SLC4A4: variants seen among roughly 807,000 people sequenced by gnomAD.
SLC4A4 encodes solute carrier family 4 member 4.
In SLC4A4, 27 loss-of-function variants were observed where a neutral mutation model predicts 111.5. That is an observed-to-expected ratio of 0.24 (90% confidence interval 0.18 to 0.33). The LOEUF is 0.33. SLC4A4 is among the 10% of genes least tolerant of loss of function. The pLI, the probability that SLC4A4 is intolerant of heterozygous loss-of-function variation, is 1.00. For missense variants in SLC4A4, 909 were observed against 1,315.5 expected, an observed-to-expected ratio of 0.69 and a Z score of 4.78; for synonymous variants, 443 against 463.4, an observed-to-expected ratio of 0.96 and a Z score of 0.57.
intron 5 of SLC4A4, among the ~76,000 whole-genome samples, chr4:71,353,194 CT>C (rs1729996800): frequency 6.6e-6 from 1 of 152,188 alleles, no homozygotes; most frequent in African/African-American, 2.4e-5. Flanking sequence ...CAGCTGTGAA[CT>C]TTTTCTCTAA....
At chr4:71,428,250 A>G (rs1427374238) in intron 7 of SLC4A4, among the ~76,000 whole-genome samples, 2 of 152,142 alleles carry the variant, frequency 1.3e-5, no homozygotes, top group Non-Finnish European at 2.9e-5. Flanking sequence ...GCTCTCCCTT[A>G]CACTTTTGAG....
At chr4:71,494,337 A>G (rs1730205278) in intron 15 of SLC4A4, among the ~76,000 whole-genome samples, 1 of 152,042 alleles carries the variant, frequency 6.6e-6, no homozygotes, top group Non-Finnish European at 1.5e-5. Context: ...CTTCAGAGAC[A>G]GGATTTTGCT....
chr4:71,392,478 A>C (rs751580828), intron 6 of SLC4A4, among the ~76,000 whole-genome samples: 2 of 152,108 alleles, frequency 1.3e-5, no homozygotes, highest in Non-Finnish European at 2.9e-5. Context: ...TATTTAGAGT[A>C]GTGGTTCTCA....
chr4:71,377,925 G>A (rs769847964), intron 6 of SLC4A4, among the ~76,000 whole-genome samples: 3 of 152,178 alleles, frequency 2.0e-5, no homozygotes, highest in African/African-American at 7.2e-5. Flanking sequence ...GGCTGGGAAC[G>A]CCTCAGAATC....
intron 7 of SLC4A4, among the ~76,000 whole-genome samples, chr4:71,423,136 A>G (rs1283524388): frequency 6.6e-6 from 1 of 152,244 alleles, no homozygotes; most frequent in Non-Finnish European, 1.5e-5. Context: ...CAACTTCAGC[A>G]AAGTCTCAGG....
intron 2 of SLC4A4, among the ~76,000 whole-genome samples, chr4:71,153,351 G>A (rs374919174): frequency 1.3e-5 from 2 of 151,974 alleles, no homozygotes; most frequent in South Asian, 2.1e-4. Flanking sequence ...CACCCTTACC[G>A]ACACACCCAG....
At chr4:71,071,677 G>C (rs897792229) in intron 1 of SLC4A4, among the ~76,000 whole-genome samples, 1 of 152,044 alleles carries the variant, frequency 6.6e-6, no homozygotes, top group Non-Finnish European at 1.5e-5. Context: ...TCTCACAAAT[G>C]GTAGCATACT....
intron 2 of SLC4A4, among the ~76,000 whole-genome samples, chr4:71,175,404 T>C (rs1008998989): frequency 3.3e-5 from 5 of 152,184 alleles, no homozygotes; most frequent in African/African-American, 9.7e-5. Context: ...GGAAGCGCAA[T>C]GGGTCAGGGA....
intron 1 of SLC4A4, among the ~76,000 whole-genome samples, chr4:71,193,316 C>G (rs1412063191): frequency 6.6e-6 from 1 of 152,102 alleles, no homozygotes; most frequent in East Asian, 1.9e-4. Context: ...CCCGCCACCA[C>G]GTCCGGCTAA....
intron 1 of SLC4A4, among the ~76,000 whole-genome samples, chr4:71,216,962 T>G (rs1192139387): frequency 2.0e-5 from 3 of 152,330 alleles, no homozygotes; most frequent in Admixed American, 6.5e-5. Context: ...TGGGTATTAC[T>G]AAGTCCATTT....
rs560543076 is a variant in SLC4A4, at chr4:71,420,235, A to G, written c.808-20381A>G. ...GCAATCAACTGGAAGAAAGGGTATC[A>G]GTGATGGAAGATGAAATGAATGAAA... On this transcript the variant is annotated intron_variant, in intron 7 of 25. Coordinates refer to ENST00000264485, the MANE Select transcript of SLC4A4 (RefSeq NM_001098484.3). 4.6e-5 allele frequency among the ~76,000 whole-genome samples: 7 copies of G among 152,378 alleles called. No homozygotes were observed. In the South Asian group the frequency reaches 1.4e-3, roughly 32 times the overall value.
At position 71,252,127 on chromosome 4, in the gene SLC4A4, G is replaced by A. The variant is rs1721107379; in HGVS notation, c.74-3093G>A. On this transcript the variant is annotated intron_variant, in intron 2 of 25. Coordinates refer to ENST00000264485, the MANE Select transcript of SLC4A4 (RefSeq NM_001098484.3). ...TGAAAATAAATATTGAGATCCACAT[G>A]TGATGTTCTCATCAATCATAGCATA... Among the ~76,000 whole-genome samples the A allele has an allele frequency of 2.6e-5, 4 of 152,292 alleles. No individual in the cohort carries two copies. In the South Asian group the frequency reaches 8.3e-4, roughly 32 times the overall value.
chr4:71,285,571 C>T (rs1439633955), intron 3 of SLC4A4, among the ~76,000 whole-genome samples: 1 of 152,170 alleles, frequency 6.6e-6, no homozygotes, highest in East Asian at 1.9e-4. Flanking sequence ...CTTGCAGGCA[C>T]AGGCAAGTGG....
At chr4:71,187,892 A>G (rs1745556295) in intron 1 of SLC4A4, among the ~76,000 whole-genome samples, 1 of 152,222 alleles carries the variant, frequency 6.6e-6, no homozygotes, top group Non-Finnish European at 1.5e-5. Flanking sequence ...TGCCAGCTCC[A>G]GGACGGAGCA....
intron 2 of SLC4A4, among the ~76,000 whole-genome samples, chr4:71,121,805 T>C (rs1323679340): frequency 6.6e-6 from 1 of 152,144 alleles, no homozygotes; most frequent in Non-Finnish European, 1.5e-5. Flanking sequence ...GTTTTTTCGC[T>C]CTTTGCAATA....
At chr4:71,329,725 A>C (rs1409548691) in intron 3 of SLC4A4, among the ~76,000 whole-genome samples, 1 of 152,112 alleles carries the variant, frequency 6.6e-6, no homozygotes, top group Non-Finnish European at 1.5e-5. Flanking sequence ...TGGAATCTTT[A>C]GGTTTTTCCA....
chr4:71,433,725 TTC>T, intron 7 of SLC4A4, among the ~76,000 whole-genome samples: 1 of 152,218 alleles, frequency 6.6e-6, no homozygotes, highest in Non-Finnish European at 1.5e-5. Flanking sequence ...CAGGAGGAAC[TTC>T]TCTAAGACTC....
At chr4:71,557,093 A>AAT (rs371028622) in intron 21 of SLC4A4, among the ~76,000 whole-genome samples, 64 of 152,044 alleles carry the variant, frequency 4.2e-4, no homozygotes, top group Middle Eastern at 3.4e-3. Flanking sequence ...TCAGATGTTG[A>AAT]CCCTGAAACT....
chr4:71,180,783 A>T (rs1745262828), intron 2 of SLC4A4, among the ~76,000 whole-genome samples: 2 of 152,204 alleles, frequency 1.3e-5, no homozygotes, highest in African/African-American at 4.8e-5. Context: ...TGTGGAAGTC[A>T]GTGTGGCGAT....
Sources: gnomAD v4.1 joint callset for allele counts (sites outside exome capture counted in the v4.1 genomes callset) on GRCh38, gnomAD v4.1.1 for gene constraint, MANE v1.5 for transcripts, NCBI Gene and HGNC (gene_info 2026-07-23, HGNC 2026-07-21) for gene names.